The following ITGB6 variants were observed in gnomAD, a reference collection of about 807,000 sequenced individuals.
ITGB6 encodes the protein integrin beta-6.
Under a neutral mutation model 84.5 loss-of-function variants are expected in ITGB6, and 80 were observed. That is an observed-to-expected ratio of 0.95 (90% CI 0.79 to 1.14). The LOEUF (loss-of-function observed/expected upper bound fraction) is 1.14, where lower values mean the gene tolerates loss of function less well. Among genes scored for constraint, ITGB6 ranks in the 50% most tolerant of loss-of-function variants. ITGB6 has a pLI of 0.00. For missense variants in ITGB6, 1,006 were observed against 968.0 expected (o/e 1.04, Z -0.52); for synonymous variants, 383 against 354.9 (o/e 1.08, Z -0.89).
At chr2:160,118,082 G>A (rs1682864808) in intron 12 of ITGB6, among the ~76,000 whole-genome samples, 1 of 152,098 alleles carries the variant, frequency 6.6e-6, no homozygotes, top group East Asian at 1.9e-4. Context: ...TTCTACCAGA[G>A]GTACAAGGAG....
At chr2:160,108,612 C>A (rs566298742) in intron 13 of ITGB6, among the ~76,000 whole-genome samples, 1 of 152,290 alleles carries the variant, frequency 6.6e-6, no homozygotes, top group African/African-American at 2.4e-5. Flanking sequence ...CTGAACTGTT[C>A]TTGCTTACTA....
At position 160,169,231 on chromosome 2, in the gene ITGB6, T is replaced by C. The variant is rs142185271; in HGVS notation, c.998A>G (p.Glu333Gly). 6.8e-4 allele frequency: 1,092 copies of C among 1,601,708 alleles called. 3 individuals are homozygous for C. The highest frequency in any genetic ancestry group is 1.8e-3 in the Middle Eastern group (8 of 4,418). ...GCTTACCTCATATAAATGAACTTGT[T>C]CTTGGGTTACAGCGAAGATCAATAA... ...NVLLIFAVTQ[E>G]QVHLYENYAK... Residue 333 changes from glutamate (E) to glycine (G), a missense_variant, in exon 7 of 15, where the codon GAA becomes GGA. Physicochemically the swap from Glu to Gly is moderately conservative, Grantham distance 98. Coordinates refer to ENST00000283249, the MANE Select transcript of ITGB6 (RefSeq NM_000888.5).
chr2:160,198,391 G>A (rs966601033), intron 2 of ITGB6, among the ~76,000 whole-genome samples: 28 of 152,328 alleles, frequency 1.8e-4, no homozygotes, highest in Non-Finnish European at 3.8e-4. Context: ...CTTTGAGCAT[G>A]CTACTCAGCT....
At chr2:160,181,592 G>T (rs1404043047) in intron 4 of ITGB6, among the ~76,000 whole-genome samples, 1 of 152,224 alleles carries the variant, frequency 6.6e-6, no homozygotes, top group Non-Finnish European at 1.5e-5. Flanking sequence ...CTGCCTGCCA[G>T]CTCTGAACAG....
chr2:160,161,285 C>G (rs949880092), intron 7 of ITGB6, among the ~76,000 whole-genome samples: 2 of 151,932 alleles, frequency 1.3e-5, no homozygotes, highest in African/African-American at 4.8e-5. Context: ...AATTTGTATG[C>G]CTTTATAAGA....
rs1364538877 is a variant in ITGB6 at position 160,143,619 on chromosome 2, G to A, written c.1018-1548C>T. 4.6e-5 allele frequency among the ~76,000 whole-genome samples: 7 copies of A among 152,302 alleles called. No individual in the cohort carries two copies. In the East Asian group the frequency reaches 1.3e-3, roughly 29 times the overall value. On this transcript the variant is annotated intron_variant, in intron 7 of 14. Transcript: ENST00000283249. ...TTAGATGGCTGAATTTATTAAAATT[G>A]TATGTAGAAAAGAGTAAGTAAGCTT...
chr2:160,159,108 A>G (rs1684730735), intron 7 of ITGB6, among the ~76,000 whole-genome samples: 1 of 152,078 alleles, frequency 6.6e-6, no homozygotes, highest in African/African-American at 2.4e-5. Flanking sequence ...CAAAAAAAAA[A>G]AAAAAGAAAT....
In ITGB6 at chr2:160,137,694, C is replaced by T; in HGVS notation, c.1400G>A (p.Cys467Tyr). 1.2e-6 allele frequency: 2 copies of T among 1,614,216 alleles called. No individual in the cohort carries two copies. Among genetic ancestry groups the T allele is most frequent in the East Asian group, 2.2e-5 (1 of 44,886 alleles). Residue 467 changes from cysteine (C) to tyrosine (Y), a missense_variant, in exon 10 of 15, where the codon TGT becomes TAT. Physicochemically the swap from Cys to Tyr is radical, Grantham distance 194. Transcript: ENST00000283249. ...QKEVEVNSSK[C>Y]HHGNGSFQCG... ...CTGGAAAGAGCCGTTCCCGTGGTGA[C>T]ATTTGGAGCTGTTCACTTCCACTTC...
chr2:160,175,019 C>G (rs185790280), intron 4 of ITGB6, among the ~76,000 whole-genome samples: 1 of 152,186 alleles, frequency 6.6e-6, no homozygotes, highest in African/African-American at 2.4e-5. Flanking sequence ...TTGTACTAAG[C>G]CTTCTGGATG....
rs114109844 is a variant in ITGB6 at position 160,107,547 on chromosome 2, G to A, written c.2268+132C>T. 945 of 753,992 alleles carry A rather than the reference G, an allele frequency of 1.3e-3. 4 individuals carry two copies. In the African/African-American group the frequency reaches 0.015, roughly 12 times the overall value. The allele number at this position is 753,992 out of a possible 1,614,324, so 46.7% of individuals were successfully genotyped here. On this transcript the variant is annotated intron_variant, in intron 14 of 14. Transcript: ENST00000283249. The stretch of plus-strand genomic sequence containing the variant: ...AGCAGAACAGAAATCAAAGCTGTTG[G>A]AGTCATGGCGAGAGTGGGAGAGAAA...
intron 4 of ITGB6, among the ~76,000 whole-genome samples, chr2:160,179,977 G>T (rs1194966117): frequency 2.0e-5 from 3 of 150,438 alleles, no homozygotes; most frequent in African/African-American, 7.3e-5. Flanking sequence ...TCTGGGCATG[G>T]TGGCACACGC....
chr2:160,162,914 C>T (rs898192059), intron 7 of ITGB6, among the ~76,000 whole-genome samples: 4 of 152,064 alleles, frequency 2.6e-5, no homozygotes, highest in African/African-American at 4.8e-5. Flanking sequence ...CCACTGCACC[C>T]GGCCGAGTGT....
At position 160,199,242 on chromosome 2, in the gene ITGB6, TC is replaced by T; in HGVS notation, c.77del (p.Gly26GlufsTer41). The T allele has an allele frequency of 6.2e-7, 1 of 1,614,014 alleles. No homozygotes were observed. Among genetic ancestry groups the T allele is most frequent in the Non-Finnish European group, 8.5e-7 (1 of 1,179,916 alleles). On this transcript the variant is annotated frameshift_variant, in exon 2 of 15. Coordinates refer to ENST00000283249, the MANE Select transcript of ITGB6 (RefSeq NM_000888.5). LOFTEE classifies it high-confidence loss of function. ...GGCAGTCTTCACAGGTTTCTGCACC[TC>T]CCAGGGCACAGCCACCTAGGTTTAG... ...NDHVQGGCAL[G>X]GAETCEDCLL... is the part of the protein sequence containing the mutation.
At chr2:160,116,169 A>G (rs1028166770) in intron 12 of ITGB6, among the ~76,000 whole-genome samples, 7 of 151,224 alleles carry the variant, frequency 4.6e-5, no homozygotes, top group African/African-American at 1.5e-4. Flanking sequence ...GAACGCCACA[A>G]AGATACTCCT....
intron 7 of ITGB6, among the ~76,000 whole-genome samples, chr2:160,167,264 T>C (rs1450873244): frequency 6.6e-6 from 1 of 152,238 alleles, no homozygotes; most frequent in African/African-American, 2.4e-5. Context: ...TTTTCAGTTT[T>C]CATTATCAAT....
At chr2:160,119,609 A>G (rs1264865083) in intron 12 of ITGB6, among the ~76,000 whole-genome samples, 2 of 152,224 alleles carry the variant, frequency 1.3e-5, no homozygotes, top group Admixed American at 6.5e-5. Context: ...GGCATGGGCA[A>G]GGACTTCATG....
At chr2:160,140,375 C>G (rs995526282) in intron 8 of ITGB6, among the ~76,000 whole-genome samples, 1 of 152,160 alleles carries the variant, frequency 6.6e-6, no homozygotes, top group Non-Finnish European at 1.5e-5. Flanking sequence ...TATTTGGGAT[C>G]TTAAAGTGAG....
chr2:160,151,188 A>AAT (rs1163584075), intron 7 of ITGB6, among the ~76,000 whole-genome samples: 3 of 152,140 alleles, frequency 2.0e-5, no homozygotes, highest in African/African-American at 4.8e-5. Context: ...TGACCACATA[A>AAT]TTGGAAGTAA....
At chr2:160,186,226 A>G (rs530744779) in intron 4 of ITGB6, among the ~76,000 whole-genome samples, 3 of 151,960 alleles carry the variant, frequency 2.0e-5, no homozygotes, top group African/African-American at 7.2e-5. Context: ...TATCCATCTG[A>G]CAAAGGGCTA....
Sources: allele counts gnomAD v4.1 joint callset (sites outside exome capture counted in the v4.1 genomes callset), GRCh38; gene constraint gnomAD v4.1.1; transcripts MANE v1.5; gene names NCBI Gene and HGNC (gene_info 2026-07-23, HGNC 2026-07-21).